GABRG3: variants seen among roughly 807,000 people sequenced by gnomAD.
The protein encoded by GABRG3 is gamma-aminobutyric acid receptor subunit gamma-3.
A neutral mutation model predicts 48.8 loss-of-function variants in GABRG3; 25 were observed. The observed-to-expected ratio is 0.51, with a 90% CI of 0.37 to 0.72. The LOEUF is 0.72. Ranked by LOEUF, GABRG3 falls within the 30% of genes least tolerant of loss-of-function variation. The probability of loss-of-function intolerance (pLI) is 0.00; values close to 1 mark genes in which losing one functional copy is unlikely to be tolerated. For synonymous variants in GABRG3, 227 were observed against 217.6 expected, an observed-to-expected ratio of 1.04 and a Z score of -0.38; for missense variants, 394 against 577.9, an observed-to-expected ratio of 0.68 and a Z score of 3.26.
At chr15:27,459,095 T>C (rs1303098229) in intron 5 of GABRG3, among the ~76,000 whole-genome samples, 1 of 152,168 alleles carries the variant, frequency 6.6e-6, no homozygotes, top group Non-Finnish European at 1.5e-5. Flanking sequence ...AGCATGTGTT[T>C]GTGAACCTCA....
intron 3 of GABRG3, among the ~76,000 whole-genome samples, chr15:27,256,051 G>A (rs1414308576): frequency 6.6e-6 from 1 of 152,158 alleles, no homozygotes; most frequent in Non-Finnish European, 1.5e-5. Context: ...ATTTTGGGAT[G>A]GGGAGGTTAT....
chr15:27,243,699 C>T (rs1386215320), intron 3 of GABRG3, among the ~76,000 whole-genome samples: 1 of 152,106 alleles, frequency 6.6e-6, no homozygotes, highest in African/African-American at 2.4e-5. Context: ...ATGGTTTGGC[C>T]ATTGTCTATT....
Position 27,044,460 on chromosome 15 carries a change from A to G in GABRG3, c.270+17639A>G, listed in dbSNP as rs1896329605. On this transcript the variant is annotated intron_variant, in intron 3 of 9. Coordinates refer to ENST00000615808, the MANE Select transcript of GABRG3 (RefSeq NM_033223.5). Reference sequence around the variant, plus strand: ...TGTTGATATCCATTGTTGTCAAAATACTTATAATTTTCACATTTTGAAATC... The same window carrying G: ...TGTTGATATCCATTGTTGTCAAAATGCTTATAATTTTCACATTTTGAAATC... 2.6e-5 allele frequency among the ~76,000 whole-genome samples: 4 copies of G among 152,250 alleles called. No homozygotes were observed. The South Asian group carries it at 8.3e-4, about 31-fold the overall frequency.
At chr15:27,077,113 T>G (rs555453244) in intron 3 of GABRG3, among the ~76,000 whole-genome samples, 1 of 152,270 alleles carries the variant, frequency 6.6e-6, no homozygotes, top group Admixed American at 6.5e-5. Context: ...GCAATTTTCC[T>G]GAACAGACCA....
At chr15:27,417,214 C>T (rs762161892) in intron 5 of GABRG3, among the ~76,000 whole-genome samples, 1 of 152,134 alleles carries the variant, frequency 6.6e-6, no homozygotes, top group Non-Finnish European at 1.5e-5. Context: ...GTGGGTGCTG[C>T]TGGTATGCAG....
intron 2 of GABRG3, among the ~76,000 whole-genome samples, chr15:26,992,202 C>T (rs1031650078): frequency 1.3e-5 from 2 of 152,080 alleles, no homozygotes; most frequent in African/African-American, 4.8e-5. Flanking sequence ...GACTTCTTTT[C>T]CAATTTGGAT....
chr15:27,192,591 A>G (rs368630861), intron 3 of GABRG3, among the ~76,000 whole-genome samples: 3 of 152,102 alleles, frequency 2.0e-5, no homozygotes, highest in African/African-American at 4.8e-5. Flanking sequence ...CCTTTAAGCA[A>G]TTCTCTGTAT....
intron 5 of GABRG3, among the ~76,000 whole-genome samples, chr15:27,415,874 C>T (rs1280420214): frequency 3.1e-5 from 4 of 128,574 alleles, no homozygotes; most frequent in Middle Eastern, 3.8e-3. Context: ...TAAAGATCTT[C>T]ACAGGTAGCT....
At chr15:27,094,963 AATT>A (rs1181448102) in intron 3 of GABRG3, among the ~76,000 whole-genome samples, 1 of 152,096 alleles carries the variant, frequency 6.6e-6, no homozygotes, top group East Asian at 1.9e-4. Context: ...CAAGACACAT[AATT>A]ATCTGTGTCT....
intron 3 of GABRG3, among the ~76,000 whole-genome samples, chr15:27,122,809 T>C (rs1297128837): frequency 6.6e-6 from 1 of 152,190 alleles, no homozygotes; most frequent in African/African-American, 2.4e-5. Context: ...CACTTGAAGC[T>C]TAGTAAAGCA....
At chr15:27,358,026 C>A (rs1226846964) in intron 5 of GABRG3, among the ~76,000 whole-genome samples, 2 of 152,154 alleles carry the variant, frequency 1.3e-5, no homozygotes, top group Non-Finnish European at 2.9e-5. Context: ...ATTACAAAAA[C>A]CACATTTATT....
intron 5 of GABRG3, among the ~76,000 whole-genome samples, chr15:27,463,589 A>T (rs1336780827): frequency 8.5e-5 from 13 of 152,152 alleles, no homozygotes. Context: ...TATTGAAACC[A>T]TGCTGTGTGA....
chr15:27,416,998 A>G (rs1887958516), intron 5 of GABRG3, among the ~76,000 whole-genome samples: 1 of 152,216 alleles, frequency 6.6e-6, no homozygotes, highest in Non-Finnish European at 1.5e-5. Flanking sequence ...CTGTTTAATA[A>G]AATAAAGTAA....
intron 6 of GABRG3, among the ~76,000 whole-genome samples, chr15:27,491,887 C>T (rs2150849734): frequency 6.6e-6 from 1 of 152,254 alleles, no homozygotes; most frequent in South Asian, 2.1e-4. Flanking sequence ...ATGCATCGCT[C>T]TAAATTTTCT....
intron 3 of GABRG3, among the ~76,000 whole-genome samples, chr15:27,128,551 T>C (rs1480877207): frequency 1.3e-5 from 2 of 152,248 alleles, no homozygotes; most frequent in African/African-American, 2.4e-5. Context: ...TTACAGAGTA[T>C]GTTGTCACTT....
chr15:27,492,747 T>C (rs1890385597), intron 6 of GABRG3, among the ~76,000 whole-genome samples: 1 of 152,242 alleles, frequency 6.6e-6, no homozygotes. Context: ...CTGACCGACA[T>C]CTGTGCACTC....
intron 3 of GABRG3, among the ~76,000 whole-genome samples, chr15:27,207,651 C>A (rs552022262): frequency 2.6e-5 from 4 of 152,292 alleles, no homozygotes; most frequent in Admixed American, 2.6e-4. Context: ...GTGGGGGACA[C>A]CAGGGGGGCA....
At chr15:27,313,198 ATATATATATATGTATATG>A (rs1257607959) in intron 3 of GABRG3, among the ~76,000 whole-genome samples, 1 of 134,620 alleles carries the variant, frequency 7.4e-6, no homozygotes, top group African/African-American at 3.0e-5. Context: ...ATATATGTGT[ATATATATATATGTATATG>A]TATATATATA....
At chr15:27,498,954 A>G (rs141362626) in intron 6 of GABRG3, among the ~76,000 whole-genome samples, 1 of 152,334 alleles carries the variant, frequency 6.6e-6, no homozygotes, top group African/African-American at 2.4e-5. Context: ...CACGACAAGC[A>G]TCACCTTTTC....
Sources: allele counts gnomAD v4.1 joint callset (sites outside exome capture counted in the v4.1 genomes callset), GRCh38; gene constraint gnomAD v4.1.1; transcripts MANE v1.5; gene names NCBI Gene and HGNC (gene_info 2026-07-23, HGNC 2026-07-21).